Variants in MAP2 observed in about 807,000 individuals in gnomAD.
MAP2 encodes the protein microtubule associated protein 2.
MAP2 carries 14 observed loss-of-function variants against 137.6 expected under a neutral mutation model. The observed-to-expected ratio is 0.10, with a 90% CI of 0.07 to 0.16. MAP2 has a LOEUF of 0.16. Among genes scored for constraint, MAP2 ranks in the 10% least tolerant of loss-of-function variants. The pLI, the probability that MAP2 is intolerant of heterozygous loss-of-function variation, is 1.00. For synonymous variants in MAP2, 786 were observed against 782.3 expected (o/e 1.00, Z -0.08); for missense variants, 2,088 against 2,191.5 (o/e 0.95, Z 0.94).
intron 3 of MAP2, among the ~76,000 whole-genome samples, chr2:209,601,657 G>C (rs1170620000): frequency 6.6e-6 from 1 of 152,044 alleles, no homozygotes; most frequent in Non-Finnish European, 1.5e-5. Flanking sequence ...ATAAATGAGA[G>C]AAATGCTAAT....
chr2:209,626,943 GTTTTTAATATATAATA>G (rs1213869203), intron 4 of MAP2, among the ~76,000 whole-genome samples: 2 of 151,952 alleles, frequency 1.3e-5, no homozygotes, highest in Non-Finnish European at 2.9e-5. Context: ...GGAATTCAAA[GTTTTTAATATATAATA>G]TCATGCCAAT....
intron 4 of MAP2, among the ~76,000 whole-genome samples, chr2:209,650,953 AAAAC>A (rs748942070): frequency 9.9e-5 from 15 of 152,204 alleles, no homozygotes; most frequent in African/African-American, 1.7e-4. Flanking sequence ...GCTCTTTGGT[AAAAC>A]AAACAAACAA....
intron 2 of MAP2, among the ~76,000 whole-genome samples, chr2:209,572,256 C>T (rs1231173503): frequency 6.6e-6 from 1 of 152,156 alleles, no homozygotes; most frequent in East Asian, 1.9e-4. Flanking sequence ...TCATCCTTCT[C>T]ATTGCAGTAC....
intron 6 of MAP2, among the ~76,000 whole-genome samples, chr2:209,679,306 C>T (rs1213535816): frequency 6.6e-6 from 1 of 150,956 alleles, no homozygotes; most frequent in Non-Finnish European, 1.5e-5. Flanking sequence ...TCAGCCAAAG[C>T]CTTGCTGCCC....
At chr2:209,669,488 G>T (rs2153658918) in intron 5 of MAP2, among the ~76,000 whole-genome samples, 1 of 152,132 alleles carries the variant, frequency 6.6e-6, no homozygotes, top group East Asian at 1.9e-4. Context: ...CTAGAAGAAA[G>T]ATCTGTGTTT....
intron 3 of MAP2, among the ~76,000 whole-genome samples, chr2:209,612,920 T>C (rs1379197372): frequency 6.6e-6 from 1 of 152,184 alleles, no homozygotes; most frequent in African/African-American, 2.4e-5. Flanking sequence ...ATTAACACAA[T>C]AGGAATCTGT....
At chr2:209,521,553 C>T (rs1317854309) in intron 2 of MAP2, among the ~76,000 whole-genome samples, 1 of 151,296 alleles carries the variant, frequency 6.6e-6, no homozygotes, top group African/African-American at 2.4e-5. Context: ...ACTCTTTAAT[C>T]TTATTTAAAA....
chr2:209,671,230 A>G (rs2048720211), intron 5 of MAP2, among the ~76,000 whole-genome samples: 2 of 151,930 alleles, frequency 1.3e-5, no homozygotes, highest in African/African-American at 2.4e-5. Flanking sequence ...AGACATGCCA[A>G]TGCTGGCCTC....
At chr2:209,692,523 T>G (rs925102739) in intron 7 of MAP2, 102 bp from the exon 8 acceptor site, 30 of 1,367,182 alleles carry the variant, frequency 2.2e-5, no homozygotes, top group Non-Finnish European at 2.9e-5. Context: ...TAATTTTTGT[T>G]TTTATTCTAC....
chr2:209,580,367 T>G (rs1416782616), intron 3 of MAP2, among the ~76,000 whole-genome samples: 4 of 152,170 alleles, frequency 2.6e-5, no homozygotes, highest in African/African-American at 9.6e-5. Context: ...GATTTTATCA[T>G]TGTAATGTTT....
intron 2 of MAP2, among the ~76,000 whole-genome samples, chr2:209,554,956 T>TA (rs2070198977): frequency 1.4e-5 from 2 of 147,094 alleles, no homozygotes; most frequent in African/African-American, 5.0e-5. Context: ...ATATATTATT[T>TA]TTATATATAT....
chr2:209,624,166 T>TGTCA (rs1196730162), intron 3 of MAP2, among the ~76,000 whole-genome samples: 1 of 152,124 alleles, frequency 6.6e-6, no homozygotes, highest in Non-Finnish European at 1.5e-5. Context: ...AGTTAATAGG[T>TGTCA]GTCAGAGTTT....
chr2:209,729,991 G>A (rs1438167701), intron 15 of MAP2, 29 bp downstream of exon 15: 1 of 1,292,520 alleles, frequency 7.7e-7, no homozygotes, highest in South Asian at 1.3e-5. Flanking sequence ...AGCCAATCTT[G>A]TCTTTTTAAA....
intron 4 of MAP2, 26 bp from the exon 5 acceptor site, chr2:209,653,116 A>G: frequency 6.6e-7 from 1 of 1,512,444 alleles, no homozygotes; most frequent in Non-Finnish European, 8.9e-7. Context: ...TCCCCAAAGT[A>G]ATAGCTACTA....
chr2:209,686,863 TTGA>T (rs1224984151), intron 7 of MAP2, among the ~76,000 whole-genome samples: 2 of 152,198 alleles, frequency 1.3e-5, no homozygotes, highest in African/African-American at 4.8e-5. Flanking sequence ...GAATAAAGTC[TTGA>T]TGAATCTGCA....
chr2:209,441,871 T>A (rs115082002), intron 1 of MAP2, among the ~76,000 whole-genome samples: 2 of 151,688 alleles, frequency 1.3e-5, no homozygotes, highest in African/African-American at 4.8e-5. Context: ...ATAGCAGGAC[T>A]GTAAATGGAA....
intron 1 of MAP2, among the ~76,000 whole-genome samples, chr2:209,447,160 T>C (rs1055374913): frequency 1.3e-5 from 2 of 152,026 alleles, no homozygotes; most frequent in Admixed American, 6.6e-5. Context: ...ATTGTGGCCT[T>C]CTTTGGTGCC....
At chr2:209,491,467 A>G (rs2059104911) in intron 1 of MAP2, among the ~76,000 whole-genome samples, 1 of 152,182 alleles carries the variant, frequency 6.6e-6, no homozygotes, top group African/African-American at 2.4e-5. Flanking sequence ...TGAAGGAGAG[A>G]GAGACATGAA....
Position 209,693,644 on chromosome 2 carries a change from G to T in MAP2, c.1474G>T (p.Asp492Tyr). The T allele has an allele frequency of 6.2e-7, 1 of 1,613,924 alleles. No homozygotes were observed. Among genetic ancestry groups the T allele is most frequent in the Non-Finnish European group, 8.5e-7 (1 of 1,180,000 alleles). ...SEQKDQEPTTDMLKQDSFPVS... is the reference protein window; with the variant it reads ...SEQKDQEPTTYMLKQDSFPVS... ...ACAGAAAGACCAAGAGCCTACCACA[G>T]ATATGTTGAAACAGGACTCGTTCCC... Residue 492 changes from aspartate to tyrosine, a missense_variant, in exon 8 of 16, where the codon GAT (aspartate) becomes TAT (tyrosine). By Grantham distance (160) the Asp-to-Tyr change is radical. This residue lies in a region of MAP2 where 859 missense variants were observed against 794.5 expected (regional missense o/e 1.08). Transcript: ENST00000682079.
Sources: allele counts gnomAD v4.1 joint callset (sites outside exome capture counted in the v4.1 genomes callset), GRCh38; gene constraint gnomAD v4.1.1; regional missense constraint gnomAD v4.1.1; transcripts MANE v1.5; gene names NCBI Gene and HGNC (gene_info 2026-07-23, HGNC 2026-07-21).